The following ZBTB40 variants were observed in gnomAD, a reference collection of about 807,000 sequenced individuals.
The protein encoded by ZBTB40 is zinc finger and BTB domain-containing protein 40.
A neutral mutation model predicts 117.5 loss-of-function variants in ZBTB40; 60 were observed. The ratio of observed to expected loss-of-function variants is 0.51; its 90% CI spans 0.41 to 0.63. The LOEUF is 0.63. ZBTB40 is among the 30% of genes least tolerant of loss of function. ZBTB40 has a pLI of 0.00. For synonymous variants in ZBTB40, 525 were observed against 577.1 expected (o/e 0.91, Z 1.29); for missense variants, 1,287 against 1,498.5 (o/e 0.86, Z 2.33).
At chr1:22,434,007 G>A (rs1198855359) in intron 1 of ZBTB40, among the ~76,000 whole-genome samples, 2 of 151,988 alleles carry the variant, frequency 1.3e-5, no homozygotes. Flanking sequence ...TGGGTCACTG[G>A]GAAAATGCAT....
rs1167101530 is a variant in ZBTB40, at chr1:22,511,715, A to G, written c.2042A>G (p.Lys681Arg). ...TKEDGEKETW[K>R]VSNKFHLEAN... ...GAAGATGGAGAGAAGGAAACGTGGA[A>G]GGTGAGTAATAAATTTCACCTTGAA... is the stretch of plus-strand genomic sequence containing the variant. The change falls in exon 11 of 18, where the codon AAG becomes AGG. Residue 681 changes from lysine to arginine, a missense_variant. Around this residue, in one of 2 missense-constraint regions of ZBTB40, gnomAD observed 870 missense variants for 934.4 expected, o/e 0.93. Transcript: ENST00000375647. 1 of 1,609,016 alleles carries G rather than the reference A, an allele frequency of 6.2e-7. No individual in the cohort carries two copies. The highest frequency in any genetic ancestry group is 8.5e-7 in the Non-Finnish European group (1 of 1,178,740).
intron 1 of ZBTB40, among the ~76,000 whole-genome samples, chr1:22,454,277 A>G (rs1168839937): frequency 6.6e-6 from 1 of 152,206 alleles, no homozygotes; most frequent in Non-Finnish European, 1.5e-5. Context: ...TAGTGTCTCC[A>G]TGTACCAAGC....
chr1:22,516,427 A>G (rs545255948), intron 12 of ZBTB40, among the ~76,000 whole-genome samples: 2 of 151,834 alleles, frequency 1.3e-5, no homozygotes, highest in South Asian at 4.2e-4. Context: ...GCTATACTAC[A>G]GGAGGCATCC....
intron 1 of ZBTB40, among the ~76,000 whole-genome samples, chr1:22,434,625 C>A (rs1263118395): frequency 2.0e-5 from 3 of 152,076 alleles, no homozygotes; most frequent in Non-Finnish European, 4.4e-5. Flanking sequence ...ATAGATAAAA[C>A]TTCTTTTTCA....
At chr1:22,457,535 C>G (rs1362714743) in intron 1 of ZBTB40, among the ~76,000 whole-genome samples, 1 of 152,182 alleles carries the variant, frequency 6.6e-6, no homozygotes, top group African/African-American at 2.4e-5. Context: ...CATGAGCGAC[C>G]TCTGCTGCAG....
chr1:22,460,046 CA>C (rs1641095628), intron 1 of ZBTB40, among the ~76,000 whole-genome samples: 1 of 152,164 alleles, frequency 6.6e-6, no homozygotes, highest in Admixed American at 6.5e-5. Flanking sequence ...CATGCGACTT[CA>C]AATTATTCCT....
intron 1 of ZBTB40, among the ~76,000 whole-genome samples, chr1:22,455,947 C>T (rs1277923440): frequency 1.3e-5 from 2 of 152,122 alleles, no homozygotes; most frequent in Non-Finnish European, 2.9e-5. Flanking sequence ...TGAGTATTTA[C>T]ATTACCCTTC....
intron 1 of ZBTB40, among the ~76,000 whole-genome samples, chr1:22,431,927 T>A (rs1190638818): frequency 6.6e-6 from 1 of 152,104 alleles, no homozygotes; most frequent in Non-Finnish European, 1.5e-5. Flanking sequence ...AAAGTTTTGC[T>A]CCCGCCTGGT....
At chr1:22,517,194 T>C in intron 12 of ZBTB40, 106 bp from the exon 13 acceptor site, 1 of 1,509,380 alleles carries the variant, frequency 6.6e-7, no homozygotes. Context: ...TTTAATGTCA[T>C]CTACCAGATG....
Position 22,526,318 on chromosome 1 carries a change from C to T in ZBTB40, c.3642C>T (p.Ala1214=), listed in dbSNP as rs777852321. The T allele has an allele frequency of 1.2e-6, 2 of 1,614,088 alleles. No individual in the cohort carries two copies. The highest frequency in any genetic ancestry group is 1.1e-5 in the South Asian group (1 of 91,078). Residue 1214 remains alanine, a synonymous_variant, in exon 18 of 18, where the codon GCC becomes GCT. Coordinates refer to ENST00000375647, the MANE Select transcript of ZBTB40 (RefSeq NM_014870.4). ...VTLPDSQASQ[A]SSELVAVTVE... ...TGCCAGATTCTCAGGCATCTCAGGCCAGCTCTGAGCTCGTGGCGGTGACTG... is the reference window on the plus strand; with the variant it reads ...TGCCAGATTCTCAGGCATCTCAGGCTAGCTCTGAGCTCGTGGCGGTGACTG...
chr1:22,436,903 A>G (rs1378217854), intron 1 of ZBTB40, among the ~76,000 whole-genome samples: 2 of 152,190 alleles, frequency 1.3e-5, no homozygotes, highest in Non-Finnish European at 2.9e-5. Context: ...CAAGTCATCT[A>G]TAGGGACAGA....
intron 1 of ZBTB40, among the ~76,000 whole-genome samples, chr1:22,443,443 G>A (rs915688523): frequency 6.6e-6 from 1 of 152,254 alleles, no homozygotes; most frequent in Non-Finnish European, 1.5e-5. Context: ...GATTCAAAGA[G>A]TTTCTGGTTA....
At chr1:22,499,158 C>T (rs916266209) in intron 3 of ZBTB40, among the ~76,000 whole-genome samples, 5 of 152,212 alleles carry the variant, frequency 3.3e-5, no homozygotes, top group African/African-American at 1.2e-4. Flanking sequence ...TATTGGCAGG[C>T]TTCAGAAGAT....
rs767797504 is a variant in ZBTB40 at position 22,526,754 on chromosome 1, T to G, written c.*358T>G. ...GACCAGGGTACCCCAGGAGGCATGA[T>G]GTGCCGACAGCGCTCAGTGGGCAGA... On this transcript the variant is annotated 3_prime_UTR_variant, in exon 18 of 18. Transcript: ENST00000375647. 66 of 344,354 alleles carry G rather than the reference T, an allele frequency of 1.9e-4. No homozygotes were observed. The highest frequency in any genetic ancestry group is 3.4e-4 in the Non-Finnish European group (59 of 175,504). The allele number at this position is 344,354 out of a possible 1,614,324, so 21.3% of individuals were successfully genotyped here.
chr1:22,515,656 AC>A (rs1469835284), intron 12 of ZBTB40, among the ~76,000 whole-genome samples: 1 of 152,136 alleles, frequency 6.6e-6, no homozygotes, highest in Non-Finnish European at 1.5e-5. Context: ...CCTTGCGATT[AC>A]ATTGAGCCCA....
intron 4 of ZBTB40, 120 bp from the exon 5 acceptor site, chr1:22,502,179 T>G: frequency 8.6e-7 from 1 of 1,158,140 alleles, no homozygotes; most frequent in Non-Finnish European, 1.3e-6. Flanking sequence ...TGCATTCAGG[T>G]GCTCAGAATA....
rs1639801311 is a variant in ZBTB40 at position 22,530,475 on chromosome 1, T to A, written c.*4079T>A. The A allele has an allele frequency of 6.6e-6, 1 of 152,266 alleles. No homozygotes were observed. The highest frequency in any genetic ancestry group is 2.1e-4 in the South Asian group (1 of 4,830). The allele number at this position is 152,266 out of a possible 1,614,324, so 9.4% of individuals were successfully genotyped here. A position where few individuals can be genotyped will look rare whatever the true frequency, so the allele number is the denominator to read the frequency against. ...GAGAAGCTGTCTGTACTTTGGGGACTACATTGCTGAAGGAAAAAAATCACT... is the reference window on the plus strand; with the variant it reads ...GAGAAGCTGTCTGTACTTTGGGGACAACATTGCTGAAGGAAAAAAATCACT... On this transcript the variant is annotated 3_prime_UTR_variant, in exon 18 of 18. Coordinates refer to ENST00000375647, the MANE Select transcript of ZBTB40 (RefSeq NM_014870.4).
chr1:22,432,734 A>T (rs1294854295), intron 1 of ZBTB40, among the ~76,000 whole-genome samples: 1 of 152,198 alleles, frequency 6.6e-6, no homozygotes, highest in Admixed American at 6.5e-5. Flanking sequence ...ATGTTTTTAA[A>T]CAAATACAAA....
intron 3 of ZBTB40, among the ~76,000 whole-genome samples, chr1:22,493,234 A>G (rs1260309435): frequency 6.6e-6 from 1 of 152,212 alleles, no homozygotes; most frequent in East Asian, 1.9e-4. Context: ...GGTGATCATT[A>G]TAGGCTTATG....
Sources: allele counts gnomAD v4.1 joint callset (sites outside exome capture counted in the v4.1 genomes callset), GRCh38; gene constraint gnomAD v4.1.1; regional missense constraint gnomAD v4.1.1; transcripts MANE v1.5; gene names NCBI Gene and HGNC (gene_info 2026-07-23, HGNC 2026-07-21).